Variants in CCDC32 observed in about 807,000 individuals in gnomAD.
CCDC32 encodes coiled-coil domain-containing protein 32.
CCDC32 carries 9 observed loss-of-function variants against 20.1 expected under a neutral mutation model. The observed-to-expected ratio is 0.45, with a 90% CI of 0.27 to 0.78. CCDC32 has a LOEUF of 0.78. CCDC32 is among the 30% of genes least tolerant of loss of function. CCDC32 has a pLI of 0.16. For synonymous variants in CCDC32, 63 were observed against 79.0 expected (o/e 0.80, Z 1.07); for missense variants, 204 against 215.5 (o/e 0.95, Z 0.33).
rs181603932 is a variant in CCDC32, at chr15:40,557,202, G to A, written c.401+14C>T. On this transcript the variant is annotated intron_variant, in intron 3 of 3. Transcript: ENST00000416810. ...AGGATGATTTCAGCTGGAACTAGACGGGGAATCGATTACCTCTCATCAGAA... is the reference window on the plus strand; with the variant it reads ...AGGATGATTTCAGCTGGAACTAGACAGGGAATCGATTACCTCTCATCAGAA... 1.4e-3 allele frequency: 2,284 copies of A among 1,601,988 alleles called. 4 individuals carry two copies. Among genetic ancestry groups the A allele is most frequent in the Non-Finnish European group, 1.8e-3 (2,082 of 1,175,460 alleles).
chr15:40,527,624 G>A (rs1242163427), downstream of CCDC32, among the ~76,000 whole-genome samples: 1 of 152,198 alleles, frequency 6.6e-6, no homozygotes, highest in Non-Finnish European at 1.5e-5. Flanking sequence ...TCACAGATGG[G>A]TTCTTTCATT....
downstream of CCDC32, among the ~76,000 whole-genome samples, chr15:40,549,416 C>A (rs761298293): frequency 6.6e-6 from 1 of 152,104 alleles, no homozygotes; most frequent in Non-Finnish European, 1.5e-5. Flanking sequence ...CATGCTCTTA[C>A]TCTTCTATTT....
chr15:40,543,712 C>G (rs1470003056), intron 3 of CCDC32, among the ~76,000 whole-genome samples: 8 of 152,316 alleles, frequency 5.3e-5, no homozygotes, highest in Admixed American at 4.6e-4. Flanking sequence ...CTCAGCCTCC[C>G]AAAGTGCTGG....
chr15:40,564,670 A>G (rs1415916230), intron 1 of CCDC32: 3 of 1,554,694 alleles, frequency 1.9e-6, no homozygotes, highest in Admixed American at 1.7e-5. Context: ...AGGGACAGCT[A>G]TGACACGGCG....
intron 3 of CCDC32, among the ~76,000 whole-genome samples, chr15:40,541,328 G>A (rs1889382177): frequency 8.4e-6 from 1 of 118,780 alleles, no homozygotes; most frequent in African/African-American, 3.0e-5. Context: ...ATTCTGAGCT[G>A]TAATATTTTT....
downstream of CCDC32, chr15:40,532,064 C>T (rs964694107): frequency 1.4e-5 from 6 of 443,706 alleles, no homozygotes; most frequent in African/African-American, 4.0e-5. Context: ...AGATGCCAAC[C>T]GTACTTAGCA....
chr15:40,554,031 C>T lies in CCDC32; in HGVS notation c.498G>A (p.Glu166=), dbSNP rs1310296018. The part of the protein sequence containing the change: ...QYLIPPESQV[E]KPVAEDEPAA... ...CTGGCTCGTCCTCGGCCACTGGCTT[C>T]TCAACCTGTGACTCTGGAGGAATCA... is the stretch of plus-strand genomic sequence containing the variant. Residue 166 remains glutamate, a synonymous_variant, in exon 4 of 4, where the codon GAG becomes GAA. Coordinates refer to ENST00000416810, the MANE Select transcript of CCDC32 (RefSeq NM_001080792.4). 1 of 1,613,564 alleles carries T rather than the reference C, an allele frequency of 6.2e-7. No individual in the cohort carries two copies. Among genetic ancestry groups the T allele is most frequent in the African/African-American group, 1.3e-5 (1 of 74,762 alleles).
chr15:40,540,986 C>T (rs1889366354), intron 3 of CCDC32, among the ~76,000 whole-genome samples: 1 of 152,226 alleles, frequency 6.6e-6, no homozygotes, highest in Non-Finnish European at 1.5e-5. Context: ...ACTTCCCACA[C>T]TGGGCCACAG....
In CCDC32 at chr15:40,557,348, C is replaced by A; in HGVS notation, c.269G>T (p.Gly90Val). 4 of 1,612,888 alleles carry A rather than the reference C, an allele frequency of 2.5e-6. No individual in the cohort carries two copies. The highest frequency in any genetic ancestry group is 3.4e-6 in the Non-Finnish European group (4 of 1,179,640). The change falls in exon 3 of 4, where the codon GGT (glycine) becomes GTT (valine). Residue 90 changes from glycine (G) to valine (V), a missense_variant. By Grantham distance (109) the Gly-to-Val change is moderately radical (BLOSUM62 -3). Transcript: ENST00000416810. The stretch of plus-strand genomic sequence containing the variant: ...CTTGGAAGTCACTTCCTGATTTAAA[C>A]CTTTGATTCTTCTTAGCTTCTTCTC... ...SLEKKLRRIK[G>V]LNQEVTSKDM...
chr15:40,541,716 CAT>C (rs1243031789), intron 3 of CCDC32, among the ~76,000 whole-genome samples: 2 of 152,244 alleles, frequency 1.3e-5, no homozygotes, highest in Non-Finnish European at 2.9e-5. Context: ...GGAGCTGTCT[CAT>C]TCTCCTCCCT....
chr15:40,524,449 G>A (rs1457718189), downstream of CCDC32, among the ~76,000 whole-genome samples: 2 of 151,660 alleles, frequency 1.3e-5, no homozygotes, highest in Non-Finnish European at 2.9e-5. Context: ...GAGCCACCGC[G>A]CCCAGCCACA....
Position 40,553,104 on chromosome 15 carries a change from T to C in CCDC32, c.*867A>G, listed in dbSNP as rs1004297538. On this transcript the variant is annotated 3_prime_UTR_variant, in exon 4 of 4. Transcript: ENST00000416810. ...CAGCACCACAGACACTGCTATTCCG[T>C]TGAGAAAAGTTTTATATGGAAACAC... 30 of 984,908 alleles carry C rather than the reference T, an allele frequency of 3.0e-5. No individual in the cohort carries two copies. Among genetic ancestry groups the C allele is most frequent in the Admixed American group, 6.2e-5 (1 of 16,248 alleles). 61.0% of individuals were successfully genotyped at this position (984,908 alleles called of 1,614,324 possible).
chr15:40,547,183 AG>A (rs1019628719), intron 3 of CCDC32, among the ~76,000 whole-genome samples: 2 of 151,982 alleles, frequency 1.3e-5, no homozygotes, highest in African/African-American at 4.8e-5. Context: ...CATTACCTTC[AG>A]TGCACCCCAG....
intron 1 of CCDC32, chr15:40,564,708 A>G: frequency 2.5e-6 from 4 of 1,612,458 alleles, no homozygotes; most frequent in Non-Finnish European, 2.5e-6. Flanking sequence ...GTCTAGCGCT[A>G]CAGTGAACCC....
Position 40,528,795 on chromosome 15 carries a change from T to TA in CCDC32, c.402-6dup, listed in dbSNP as rs775035955. 98 of 696,608 alleles carry TA rather than the reference T, an allele frequency of 1.4e-4. 1 individual carries two copies. Among genetic ancestry groups the TA allele is most frequent in the African/African-American group, 1.0e-3 (57 of 56,402 alleles). 43.2% of individuals were successfully genotyped at this position (696,608 alleles called of 1,614,324 possible). A position where few individuals can be genotyped will look rare whatever the true frequency, so the allele number is the denominator to read the frequency against. ...CAGATCCCATTTCTCAAAAAACTAT[T>TA]AAAAAAAAGAGAAGAAAAGAAAAGT... On this transcript the variant is annotated splice_region_variant and splice_polypyrimidine_tract_variant and intron_variant, in intron 3 of 3. Transcript: ENST00000560305.
At chr15:40,530,722 CTT>C (rs35147425), downstream of CCDC32, among the ~76,000 whole-genome samples, 401 of 138,886 alleles carry the variant, frequency 2.9e-3, no homozygotes, top group Middle Eastern at 7.4e-3. Context: ...TCAGGTATTC[CTT>C]TTTTTTTTTT....
intron 3 of CCDC32, chr15:40,556,726 T>C (rs1382670707): frequency 6.6e-6 from 1 of 152,236 alleles, no homozygotes; most frequent in Non-Finnish European, 1.5e-5. Context: ...TAGTCCCGGC[T>C]ACTCAGGAAG....
chr15:40,545,790 T>C (rs935262147), intron 3 of CCDC32, among the ~76,000 whole-genome samples: 2 of 152,152 alleles, frequency 1.3e-5, no homozygotes, highest in Admixed American at 6.5e-5. Context: ...GACACTCAGG[T>C]GCCACACTTC....
At chr15:40,564,719 C>T in intron 1 of CCDC32, 1 of 1,614,048 alleles carries the variant, frequency 6.2e-7, no homozygotes, top group Non-Finnish European at 8.5e-7. Flanking sequence ...CAGTGAACCC[C>T]CAACCCGAAT....
Sources: allele counts gnomAD v4.1 joint callset (sites outside exome capture counted in the v4.1 genomes callset), GRCh38; gene constraint gnomAD v4.1.1; transcripts MANE v1.5; gene names NCBI Gene and HGNC (gene_info 2026-07-23, HGNC 2026-07-21).